Variants in LCOR observed in about 807,000 individuals in gnomAD.
LCOR encodes the protein ligand dependent nuclear receptor corepressor.
LCOR carries 14 observed loss-of-function variants against 64.4 expected under a neutral mutation model. The ratio of observed to expected loss-of-function variants is 0.22; its 90% CI spans 0.14 to 0.34. The LOEUF (loss-of-function observed/expected upper bound fraction) is 0.34, where lower values mean the gene tolerates loss of function less well. Ranked by LOEUF, LCOR falls within the 10% of genes least tolerant of loss-of-function variation. The probability of loss-of-function intolerance (pLI) is 1.00; values close to 1 mark genes in which losing one functional copy is unlikely to be tolerated. For synonymous variants in LCOR, 643 were observed against 642.5 expected, an observed-to-expected ratio of 1.00 and a Z score of -0.01; for missense variants, 1,686 against 1,765.3, an observed-to-expected ratio of 0.96 and a Z score of 0.80.
intron 6 of LCOR, 130 bp from the exon 7 acceptor site, chr10:96,951,973 C>T: frequency 1.6e-6 from 1 of 606,254 alleles, no homozygotes; most frequent in Middle Eastern, 3.1e-4. Context: ...GATTTTATAA[C>T]TCAAATATAT....
intron 2 of LCOR, among the ~76,000 whole-genome samples, chr10:96,881,669 C>G (rs1176002228): frequency 2.0e-5 from 3 of 152,074 alleles, no homozygotes; most frequent in African/African-American, 7.2e-5. Flanking sequence ...GTTGGCCAGG[C>G]TGGTCTTAAA....
At position 96,982,260 on chromosome 10, in the gene LCOR, G is replaced by A. The variant is rs754926215; in HGVS notation, c.1800G>A (p.Pro600=). The change falls in exon 8 of 8, where the codon CCG becomes CCA. Residue 600 remains proline (P), a synonymous_variant. Coordinates refer to ENST00000421806, the MANE Select transcript of LCOR (RefSeq NM_001346516.2). ...AGGTTTGCCCCACAAAGATTAAGCC[G>A]AACCTGAGCAGCTCCCCTAGGTCAG... The part of the protein sequence containing the change: ...EPEVCPTKIK[P]NLSSSPRSEE... 2.4e-5 allele frequency: 38 copies of A among 1,614,018 alleles called. No individual in the cohort carries two copies. The highest frequency in any genetic ancestry group is 2.7e-5 in the African/African-American group (2 of 74,904).
chr10:96,833,206 C>T (rs1338059960), intron 1 of LCOR, 200 bp from the exon 2 acceptor site: 3 of 983,792 alleles, frequency 3.0e-6, no homozygotes, highest in East Asian at 2.3e-4. Flanking sequence ...GGGTCGCTCT[C>T]GTCCCCTCCC....
intron 2 of LCOR, among the ~76,000 whole-genome samples, chr10:96,858,440 C>G (rs1156383679): frequency 2.0e-5 from 3 of 152,144 alleles, no homozygotes; most frequent in African/African-American, 4.8e-5. Flanking sequence ...GTTCATGATC[C>G]TTCCAGAACT....
rs1322007218 is a variant in LCOR at position 96,989,419 on chromosome 10, G to A, written c.*4285G>A. The stretch of plus-strand genomic sequence containing the variant: ...CCTCTGAATGTCACATTTAGATATG[G>A]AAAATGTTTTTTCACAGAGTAGAAA... On this transcript the variant is annotated 3_prime_UTR_variant, in exon 8 of 8. Transcript: ENST00000421806. 1 of 151,896 alleles carries A rather than the reference G, an allele frequency of 6.6e-6. No homozygotes were observed. Among genetic ancestry groups the A allele is most frequent in the Non-Finnish European group, 1.5e-5 (1 of 68,008 alleles). The allele number at this position is 151,896 out of a possible 1,614,324, so 9.4% of individuals were successfully genotyped here.
At position 96,957,295 on chromosome 10, in the gene LCOR, T is replaced by C. The variant is rs929264080; in HGVS notation, c.332+5099T>C. On this transcript the variant is annotated intron_variant, in intron 7 of 7. Coordinates refer to ENST00000421806, the MANE Select transcript of LCOR (RefSeq NM_001346516.2). ...ATATTCATGGTTGTTTAGCACACAG[T>C]TCAGGACCTTTGAGATCATGTTTGT... 45 of 985,218 alleles carry C rather than the reference T, an allele frequency of 4.6e-5. No individual in the cohort carries two copies. In the African/African-American group the frequency reaches 7.3e-4, roughly 16 times the overall value. 61.0% of individuals were successfully genotyped at this position (985,218 alleles called of 1,614,324 possible). A position where few individuals can be genotyped will look rare whatever the true frequency, so the allele number is the denominator to read the frequency against.
intron 2 of LCOR, among the ~76,000 whole-genome samples, chr10:96,871,276 C>CA (rs1407624969): frequency 6.6e-6 from 1 of 151,120 alleles, no homozygotes; most frequent in Non-Finnish European, 1.5e-5. Flanking sequence ...AGGCTAGTCT[C>CA]AAACTCCTGG....
chr10:96,898,519 T>G (rs1846580452), intron 2 of LCOR, among the ~76,000 whole-genome samples: 1 of 152,210 alleles, frequency 6.6e-6, no homozygotes, highest in Non-Finnish European at 1.5e-5. Flanking sequence ...AGCAGCAGCA[T>G]GAAGGGTGGA....
chr10:96,864,487 T>C (rs1589614373), intron 2 of LCOR, among the ~76,000 whole-genome samples: 1 of 152,176 alleles, frequency 6.6e-6, no homozygotes, highest in East Asian at 1.9e-4. Context: ...TATATGGGGA[T>C]ATGGTGATGT....
intron 4 of LCOR, chr10:96,915,901 A>G (rs1010808244): frequency 1.2e-5 from 5 of 430,138 alleles, no homozygotes; most frequent in African/African-American, 2.0e-5. Context: ...TTCTCTAGGC[A>G]TATTGGCAGC....
chr10:96,907,266 G>A lies in LCOR; in HGVS notation c.-328G>A. ...TGGATTTTGTTTTTATCCTTTCAGG[G>A]TTTGAAAGTATTCTTGAAGGGCTGT... On this transcript the variant is annotated splice_region_variant and 5_prime_UTR_variant, in exon 3 of 8. Coordinates refer to ENST00000421806, the MANE Select transcript of LCOR (RefSeq NM_001346516.2). 1 of 969,704 alleles carries A rather than the reference G, an allele frequency of 1.0e-6. No homozygotes were observed. The highest frequency in any genetic ancestry group is 1.2e-6 in the Non-Finnish European group (1 of 815,324). The allele number at this position is 969,704 out of a possible 1,614,324, so 60.1% of individuals were successfully genotyped here. A position where few individuals can be genotyped will look rare whatever the true frequency, so the allele number is the denominator to read the frequency against.
At chr10:96,933,536 T>G (rs1308509703) in intron 4 of LCOR, among the ~76,000 whole-genome samples, 1 of 152,186 alleles carries the variant, frequency 6.6e-6, no homozygotes. Context: ...AAAGACTCTT[T>G]TTGAGATGGA....
At chr10:96,841,658 G>A (rs1845543692) in intron 2 of LCOR, among the ~76,000 whole-genome samples, 1 of 151,994 alleles carries the variant, frequency 6.6e-6, no homozygotes, top group Non-Finnish European at 1.5e-5. Flanking sequence ...ACCGCGCCTG[G>A]CCAAGACTTT....
At chr10:96,845,564 T>A (rs1384746074) in intron 2 of LCOR, among the ~76,000 whole-genome samples, 1 of 141,538 alleles carries the variant, frequency 7.1e-6, no homozygotes, top group Non-Finnish European at 1.5e-5. Flanking sequence ...CCCCCCGGGG[T>A]TCATGCCATT....
chr10:96,958,906 TA>T (rs74784568), intron 7 of LCOR: 11,141 of 103,934 alleles, frequency 0.11, 321 homozygotes, highest in African/African-American at 0.14. Context: ...AAGAAAAACT[TA>T]AAAAAAAAAA....
At chr10:96,910,061 G>A (rs1406261992) in intron 4 of LCOR, among the ~76,000 whole-genome samples, 1 of 152,136 alleles carries the variant, frequency 6.6e-6, no homozygotes. Context: ...TTCCTTTGCT[G>A]TATGAGGGTA....
chr10:96,909,677 T>A lies in LCOR; in HGVS notation c.-184+1930T>A, dbSNP rs145831337. 2.8e-3 allele frequency among the ~76,000 whole-genome samples: 433 copies of A among 152,382 alleles called. 6 individuals are homozygous for A. The highest frequency in any genetic ancestry group is 9.4e-3 in the African/African-American group (389 of 41,600). ...TGTAGCCAACATAAGTGCTTTTTCA[T>A]GTTCTTCTTGTATGGCTTCTTTTTC... On this transcript the variant is annotated intron_variant, in intron 4 of 7. Coordinates refer to ENST00000421806, the MANE Select transcript of LCOR (RefSeq NM_001346516.2).
rs530794708 is a variant in LCOR, at chr10:96,842,871, T to G, written c.-330+9392T>G. Among the ~76,000 whole-genome samples the G allele has an allele frequency of 3.4e-4, 52 of 152,254 alleles. 1 individual carries two copies. The highest frequency in any genetic ancestry group is 1.1e-3 in the African/African-American group (46 of 41,536). On this transcript the variant is annotated intron_variant, in intron 2 of 7. Coordinates refer to ENST00000421806, the MANE Select transcript of LCOR (RefSeq NM_001346516.2). ...GTCTTGAACTCCTGACTGTGAGTGA[T>G]CCACCCACCTTGGCCCCCCAAATTG...
chr10:96,986,777 A>G lies in LCOR; in HGVS notation c.*1643A>G, dbSNP rs571839117. The G allele has an allele frequency of 6.6e-6, 1 of 152,344 alleles. No individual in the cohort carries two copies. Among genetic ancestry groups the G allele is most frequent in the African/African-American group, 2.4e-5 (1 of 41,592 alleles). 9.4% of individuals were successfully genotyped at this position (152,344 alleles called of 1,614,324 possible). On this transcript the variant is annotated 3_prime_UTR_variant, in exon 8 of 8. Coordinates refer to ENST00000421806, the MANE Select transcript of LCOR (RefSeq NM_001346516.2). ...GGTTCTGTCACCAAAATCAGCTTGT[A>G]TGGACAGCTGCTGCCCTGTCCTTTT... is the stretch of plus-strand genomic sequence containing the variant.
Sources: gnomAD v4.1 joint callset for allele counts (sites outside exome capture counted in the v4.1 genomes callset) on GRCh38, gnomAD v4.1.1 for gene constraint, MANE v1.5 for transcripts, NCBI Gene and HGNC (gene_info 2026-07-23, HGNC 2026-07-21) for gene names.